Variants in SLC39A11 observed in about 807,000 individuals in gnomAD.
SLC39A11 encodes the protein zinc transporter ZIP11.
Under a neutral mutation model 36.1 loss-of-function variants are expected in SLC39A11, and 33 were observed. That is an observed-to-expected ratio of 0.91 (90% confidence interval 0.69 to 1.22). The LOEUF (loss-of-function observed/expected upper bound fraction) is 1.22. Among genes scored for constraint, SLC39A11 ranks in the 50% most tolerant of loss-of-function variants. The pLI is 0.00. For synonymous variants in SLC39A11, 166 were observed against 170.3 expected (o/e 0.97, Z 0.20); for missense variants, 432 against 430.3 (o/e 1.00, Z -0.03).
At chr17:72,709,931 T>C (rs991298980) in intron 7 of SLC39A11, among the ~76,000 whole-genome samples, 4 of 152,226 alleles carry the variant, frequency 2.6e-5, no homozygotes, top group Non-Finnish European at 5.9e-5. Flanking sequence ...TTGAGCTGCA[T>C]CCTCAGATTA....
chr17:72,926,766 A>T (rs904872535), intron 5 of SLC39A11, among the ~76,000 whole-genome samples: 4 of 151,862 alleles, frequency 2.6e-5, no homozygotes, highest in Admixed American at 2.0e-4. Flanking sequence ...GTTATCTTTG[A>T]CCCCAAAAAG....
intron 4 of SLC39A11, among the ~76,000 whole-genome samples, chr17:72,954,181 G>T (rs1479349480): frequency 1.3e-5 from 2 of 152,150 alleles, no homozygotes; most frequent in Non-Finnish European, 2.9e-5. Flanking sequence ...CAGTAGCTGG[G>T]ATTACAGGTG....
intron 6 of SLC39A11, among the ~76,000 whole-genome samples, chr17:72,842,916 T>C (rs1040810774): frequency 1.3e-5 from 2 of 152,174 alleles, no homozygotes; most frequent in Admixed American, 1.3e-4. Context: ...TGCACAACTA[T>C]ACTTTTCTTT....
intron 7 of SLC39A11, among the ~76,000 whole-genome samples, chr17:72,694,031 T>A (rs2072167875): frequency 6.6e-6 from 1 of 152,046 alleles, no homozygotes; most frequent in South Asian, 2.1e-4. Context: ...GTCCTCTCCT[T>A]GCTCAGTCTG....
At chr17:72,880,980 C>T (rs1005842231) in intron 5 of SLC39A11, among the ~76,000 whole-genome samples, 1 of 148,122 alleles carries the variant, frequency 6.8e-6, no homozygotes, top group East Asian at 2.0e-4. Flanking sequence ...TGCACCCGGC[C>T]TAAGATAAAA....
At chr17:72,965,044 T>C (rs952118488) in intron 4 of SLC39A11, among the ~76,000 whole-genome samples, 54 of 151,652 alleles carry the variant, frequency 3.6e-4, no homozygotes, top group African/African-American at 7.8e-4. Flanking sequence ...TAGGTGCGAA[T>C]TGAACAATGA....
intron 6 of SLC39A11, among the ~76,000 whole-genome samples, chr17:72,831,996 G>A (rs763520571): frequency 5.3e-5 from 8 of 152,304 alleles, no homozygotes; most frequent in Non-Finnish European, 1.2e-4. Flanking sequence ...GGAGAAGGAG[G>A]TTGGAGAATA....
At chr17:72,710,829 C>T (rs1473399108) in intron 7 of SLC39A11, among the ~76,000 whole-genome samples, 2 of 152,148 alleles carry the variant, frequency 1.3e-5, no homozygotes, top group South Asian at 2.1e-4. Flanking sequence ...GGAAATTCTG[C>T]CCAGATGTTG....
chr17:72,659,818 C>A (rs574747193), intron 7 of SLC39A11, among the ~76,000 whole-genome samples: 4 of 151,942 alleles, frequency 2.6e-5, no homozygotes, highest in African/African-American at 9.7e-5. Flanking sequence ...CCAGGCTGGT[C>A]TCAAACTCCT....
intron 7 of SLC39A11, among the ~76,000 whole-genome samples, chr17:72,692,280 A>G (rs2713994): frequency 0.93 from 141,306 of 152,250 alleles, 65,615 homozygotes; most frequent in East Asian, 0.96. Flanking sequence ...CAAAGGGCTC[A>G]GATTACAGGC....
chr17:72,673,917 A>T (rs1382262821), intron 7 of SLC39A11, among the ~76,000 whole-genome samples: 1 of 152,018 alleles, frequency 6.6e-6, no homozygotes, highest in Non-Finnish European at 1.5e-5. Flanking sequence ...AAAATACAAA[A>T]ATTAGCCAGG....
chr17:72,957,216 T>C (rs1202008781), intron 4 of SLC39A11, among the ~76,000 whole-genome samples: 2 of 152,168 alleles, frequency 1.3e-5, no homozygotes, highest in Non-Finnish European at 2.9e-5. Context: ...GGTATCCACA[T>C]TGAAGGGTTG....
chr17:72,959,363 ATATG>A (rs2086466994), intron 4 of SLC39A11, among the ~76,000 whole-genome samples: 1 of 139,548 alleles, frequency 7.2e-6, no homozygotes, highest in Non-Finnish European at 1.5e-5. Context: ...ATATATATAT[ATATG>A]ATCGAATACT....
intron 6 of SLC39A11, among the ~76,000 whole-genome samples, chr17:72,772,611 G>T (rs1328914018): frequency 6.6e-6 from 1 of 152,188 alleles, no homozygotes; most frequent in Non-Finnish European, 1.5e-5. Context: ...AAGTGTGGAG[G>T]AGGTATAGGC....
chr17:72,670,762 C>T (rs181219158), intron 7 of SLC39A11, among the ~76,000 whole-genome samples: 163 of 152,224 alleles, frequency 1.1e-3, no homozygotes, highest in Middle Eastern at 3.4e-3. Context: ...TTTGACATGG[C>T]CTTTTGGAAA....
intron 6 of SLC39A11, among the ~76,000 whole-genome samples, chr17:72,803,997 T>C (rs1278330357): frequency 1.4e-5 from 2 of 141,656 alleles, no homozygotes; most frequent in East Asian, 4.0e-4. Flanking sequence ...AAACACTATC[T>C]TTTTTGGGTG....
chr17:73,006,662 AC>A (rs2090195717), intron 4 of SLC39A11, among the ~76,000 whole-genome samples: 1 of 151,934 alleles, frequency 6.6e-6, no homozygotes, highest in African/African-American at 2.4e-5. Context: ...ACACACACAC[AC>A]ACACACACAC....
At chr17:72,971,236 T>G (rs775388934) in intron 4 of SLC39A11, among the ~76,000 whole-genome samples, 3 of 152,158 alleles carry the variant, frequency 2.0e-5, no homozygotes, top group Non-Finnish European at 4.4e-5. Context: ...ATGAGATTTC[T>G]GGTAGCCGGT....
intron 4 of SLC39A11, among the ~76,000 whole-genome samples, chr17:72,984,824 A>C (rs2088594631): frequency 6.6e-6 from 1 of 152,252 alleles, no homozygotes; most frequent in South Asian, 2.1e-4. Context: ...AGAATGTTAA[A>C]TGAATAAGGA....
Sources: allele counts gnomAD v4.1 joint callset (sites outside exome capture counted in the v4.1 genomes callset), GRCh38; gene constraint gnomAD v4.1.1; transcripts MANE v1.5; gene names NCBI Gene and HGNC (gene_info 2026-07-23, HGNC 2026-07-21).